Variants in SLC38A9 observed in about 807,000 individuals in gnomAD.
SLC38A9 encodes solute carrier family 38 member 9, also known as neutral amino acid transporter 9.
In SLC38A9, 48 loss-of-function variants were observed where a neutral mutation model predicts 62.3. The observed-to-expected ratio is 0.77, with a 90% CI of 0.61 to 0.98. The LOEUF (loss-of-function observed/expected upper bound fraction) is 0.98, where lower values mean the gene tolerates loss of function less well. SLC38A9 is among the 50% of genes least tolerant of loss of function. The pLI, the probability that SLC38A9 is intolerant of heterozygous loss-of-function variation, is 0.00. For missense variants in SLC38A9, 541 were observed against 679.8 expected (o/e 0.80, Z 2.27); for synonymous variants, 204 against 227.7 (o/e 0.90, Z 0.94).
chr5:55,654,478 G>A (rs1026954957), intron 9 of SLC38A9, among the ~76,000 whole-genome samples: 6 of 152,032 alleles, frequency 3.9e-5, no homozygotes, highest in African/African-American at 1.4e-4. Flanking sequence ...TTGCTGGATG[G>A]GATGTAGTTC....
Position 55,656,765 on chromosome 5 carries a change from T to C in SLC38A9, c.707A>G (p.His236Arg), listed in dbSNP as rs138321351. 203 of 1,558,520 alleles carry C rather than the reference T, an allele frequency of 1.3e-4. No individual in the cohort carries two copies. The African/African-American group carries it at 2.4e-3, about 19-fold the overall frequency. Residue 236 changes from histidine (H) to arginine (R), a missense_variant, in exon 9 of 16, where the codon CAT (histidine) becomes CGT (arginine). By Grantham distance (29) the His-to-Arg change is conservative (BLOSUM62 0). Transcript: ENST00000396865. ...TATAGTGTCTGTGTCATTAATGTGA[T>C]GAATAAAATCTAAAAATAAAGGAAA... ...NTGKFIFNFI[H>R]HINDTDTILS...
At position 55,656,705 on chromosome 5, in the gene SLC38A9, A is replaced by G. The variant is rs775207864; in HGVS notation, c.757+10T>C. The G allele has an allele frequency of 1.6e-5, 26 of 1,586,752 alleles. No individual in the cohort carries two copies. Among genetic ancestry groups the G allele is most frequent in the Non-Finnish European group, 2.6e-6 (3 of 1,155,862 alleles). The stretch of plus-strand genomic sequence containing the variant: ...GAGTAAAGAAACAAACAACATCCCA[A>G]ACTACTTACCAGGGTTGCTATTATT... On this transcript the variant is annotated intron_variant, in intron 9 of 15. Transcript: ENST00000396865.
At chr5:55,632,196 G>C (rs1281338263) in intron 14 of SLC38A9, among the ~76,000 whole-genome samples, 6 of 152,180 alleles carry the variant, frequency 3.9e-5, no homozygotes, top group Admixed American at 3.9e-4. Context: ...CCAGCACTTT[G>C]GAAGGCTGAG....
intron 12 of SLC38A9, among the ~76,000 whole-genome samples, chr5:55,639,272 T>TTAAAAAAAAAAAAAAAAAAAAAA (rs1391586466): frequency 5.5e-5 from 3 of 54,646 alleles, no homozygotes; most frequent in African/African-American, 2.1e-4. Flanking sequence ...AAACTCTGTC[T>TTAAAAAAAAAAAAAAAAAAAAAA]AAAAAAAAAA....
intron 2 of SLC38A9, among the ~76,000 whole-genome samples, chr5:55,705,710 C>CTT (rs35776949): frequency 9.2e-5 from 13 of 141,216 alleles, no homozygotes; most frequent in Admixed American, 2.8e-4. Flanking sequence ...GCCTTAAACT[C>CTT]TTTTTTTTTT....
chr5:55,669,670 AC>A (rs1390996640), intron 5 of SLC38A9, 50 bp from the exon 6 acceptor site: 2 of 1,590,986 alleles, frequency 1.3e-6, no homozygotes, highest in Non-Finnish European at 1.7e-6. Flanking sequence ...CACTCTTCAA[AC>A]ATTTTAATTG....
chr5:55,700,773 G>C (rs1440834138), intron 2 of SLC38A9, among the ~76,000 whole-genome samples: 1 of 152,102 alleles, frequency 6.6e-6, no homozygotes, highest in Non-Finnish European at 1.5e-5. Flanking sequence ...TAACTTACTT[G>C]ACCTATTGGA....
At chr5:55,697,796 T>C in intron 3 of SLC38A9, 50 bp downstream of exon 3, 1 of 925,696 alleles carries the variant, frequency 1.1e-6, no homozygotes. Flanking sequence ...AGATGTATTT[T>C]AATCATTAAA....
intron 6 of SLC38A9, 55 bp from the exon 7 acceptor site, chr5:55,669,376 A>T: frequency 1.4e-6 from 2 of 1,453,478 alleles, no homozygotes; most frequent in Non-Finnish European, 1.9e-6. Flanking sequence ...GCATAAATTC[A>T]TATGCAATTA....
intron 1 of SLC38A9, among the ~76,000 whole-genome samples, chr5:55,711,762 G>A (rs761773370): frequency 2.6e-5 from 4 of 152,058 alleles, no homozygotes; most frequent in Non-Finnish European, 5.9e-5. Context: ...CCGTGATCGC[G>A]CCACCTCACT....
chr5:55,689,845 C>T (rs1754478666), intron 3 of SLC38A9, among the ~76,000 whole-genome samples: 1 of 152,092 alleles, frequency 6.6e-6, no homozygotes, highest in African/African-American at 2.4e-5. Context: ...TTATCAGGAA[C>T]ACCCCAAAAT....
intron 3 of SLC38A9, chr5:55,691,346 T>C (rs921975012): frequency 2.1e-6 from 3 of 1,433,498 alleles, no homozygotes; most frequent in African/African-American, 1.4e-5. Context: ...AAGAAAAATA[T>C]GGTTTACAAA....
intron 3 of SLC38A9, chr5:55,693,111 G>A (rs1466903470): frequency 1.8e-6 from 1 of 556,024 alleles, no homozygotes; most frequent in East Asian, 1.5e-4. Context: ...TAAGGAATAG[G>A]TAGGGTTGCT....
At chr5:55,639,973 T>G (rs1739160251) in intron 12 of SLC38A9, among the ~76,000 whole-genome samples, 1 of 148,012 alleles carries the variant, frequency 6.8e-6, no homozygotes, top group South Asian at 2.1e-4. Context: ...AAAATCCATT[T>G]AAACCTTTGC....
intron 3 of SLC38A9, among the ~76,000 whole-genome samples, chr5:55,673,709 C>CTT (rs201596512): frequency 7.8e-5 from 10 of 127,578 alleles, no homozygotes; most frequent in South Asian, 5.0e-4. Context: ...TTAATCTAAT[C>CTT]TTTTTTTTTT....
intron 3 of SLC38A9, 50 bp from the exon 4 acceptor site, chr5:55,672,745 G>A: frequency 6.3e-7 from 1 of 1,578,632 alleles, no homozygotes; most frequent in South Asian, 1.2e-5. Flanking sequence ...AAAAATTCTG[G>A]AAGTCAGCCT....
In SLC38A9 at chr5:55,656,774, T is replaced by A; in HGVS notation, c.698A>T (p.Asn233Ile). Residue 233 changes from asparagine to isoleucine, a missense_variant and splice_region_variant, in exon 9 of 16, where the codon AAT (asparagine) becomes ATT (isoleucine). Transcript: ENST00000396865. ...TGTGTCATTAATGTGATGAATAAAA[T>A]CTAAAAATAAAGGAAAAAATATAGT... is the stretch of plus-strand genomic sequence containing the variant. ...FLFNTGKFIF[N>I]FIHHINDTDT... is the part of the protein sequence containing the mutation. 6.5e-7 allele frequency: 1 copy of A among 1,529,934 alleles called. No individual in the cohort carries two copies. The highest frequency in any genetic ancestry group is 9.0e-7 in the Non-Finnish European group (1 of 1,111,918). The allele number at this position is 1,529,934 out of a possible 1,614,324, so 94.8% of individuals were successfully genotyped here.
Position 55,645,834 on chromosome 5 carries a change from A to G in SLC38A9, c.1122T>C (p.Asn374=), listed in dbSNP as rs748472870. Residue 374 remains asparagine (N), a synonymous_variant, in exon 12 of 16, where the codon AAT becomes AAC. Transcript: ENST00000396865. ...GVLTLAFFIH[N]CIITLLKNNK... Reference sequence around the variant, plus strand: ...TGTTCTTCAAGAGTGTGATGATACAATTATGAATAAAAAAAGCAAGGGTAA... The same window carrying G: ...TGTTCTTCAAGAGTGTGATGATACAGTTATGAATAAAAAAAGCAAGGGTAA... 6.2e-7 allele frequency: 1 copy of G among 1,612,484 alleles called. No homozygotes were observed. The highest frequency in any genetic ancestry group is 8.5e-7 in the Non-Finnish European group (1 of 1,179,364).
At chr5:55,683,317 G>C (rs1211438733) in intron 3 of SLC38A9, among the ~76,000 whole-genome samples, 1 of 152,062 alleles carries the variant, frequency 6.6e-6, no homozygotes, top group African/African-American at 2.4e-5. Context: ...CAAACTCCTC[G>C]GCTCAAGGAA....
Sources: gnomAD v4.1 joint callset for allele counts (sites outside exome capture counted in the v4.1 genomes callset) on GRCh38, gnomAD v4.1.1 for gene constraint, MANE v1.5 for transcripts, NCBI Gene and HGNC (gene_info 2026-07-23, HGNC 2026-07-21) for gene names.